BABAM2: variants seen among roughly 807,000 people sequenced by gnomAD.
BABAM2 encodes the protein BRISC and BRCA1 A complex member 2, also known as BRISC and BRCA1-A complex member 2.
A neutral mutation model predicts 54.7 loss-of-function variants in BABAM2; 31 were observed. The observed-to-expected ratio is 0.57, with a 90% CI of 0.43 to 0.77. BABAM2 has a LOEUF of 0.77. Ranked by LOEUF, BABAM2 falls within the 30% of genes least tolerant of loss-of-function variation. The probability of loss-of-function intolerance (pLI) is 0.00; values close to 1 mark genes in which losing one functional copy is unlikely to be tolerated. For missense variants in BABAM2, 364 were observed against 455.8 expected (o/e 0.80, Z 1.83); for synonymous variants, 167 against 162.9 (o/e 1.03, Z -0.19).
At chr2:28,050,535 G>A (rs992265217) in intron 6 of BABAM2, among the ~76,000 whole-genome samples, 6 of 152,092 alleles carry the variant, frequency 3.9e-5, no homozygotes, top group Admixed American at 1.3e-4. Flanking sequence ...TTTTGAGTGC[G>A]GTACTGTGCA....
In BABAM2 at chr2:28,106,775, C is replaced by T. The variant is rs144118728; in HGVS notation, c.571-22496C>T. 8.9e-3 allele frequency among the ~76,000 whole-genome samples: 1,362 copies of T among 152,196 alleles called. 5 individuals are homozygous for T. The highest frequency in any genetic ancestry group is 0.027 in the Middle Eastern group (8 of 294). ...GTATTTTGGGAAGGTCCTTTGAAACCACCCAAATATCCTATTTTTTATCAA... is the reference window on the plus strand; with the variant it reads ...GTATTTTGGGAAGGTCCTTTGAAACTACCCAAATATCCTATTTTTTATCAA... On this transcript the variant is annotated intron_variant, in intron 6 of 11. Coordinates refer to ENST00000379624, the MANE Select transcript of BABAM2 (RefSeq NM_199191.3).
chr2:28,257,906 G>C (rs1684104576), intron 10 of BABAM2, among the ~76,000 whole-genome samples: 1 of 151,832 alleles, frequency 6.6e-6, no homozygotes, highest in Non-Finnish European at 1.5e-5. Context: ...GCCGGGCGTG[G>C]TGGCTCACGC....
At chr2:28,301,253 G>A (rs1247783769) in intron 11 of BABAM2, among the ~76,000 whole-genome samples, 1 of 152,208 alleles carries the variant, frequency 6.6e-6, no homozygotes, top group Non-Finnish European at 1.5e-5. Context: ...ATTCCCTCCT[G>A]TAGAGCAAAA....
chr2:27,973,248 A>G (rs2148455958), intron 3 of BABAM2, among the ~76,000 whole-genome samples: 1 of 152,082 alleles, frequency 6.6e-6, no homozygotes, highest in East Asian at 1.9e-4. Flanking sequence ...AGATTAACCC[A>G]TATGGAGGTC....
chr2:28,279,956 C>T (rs182059334), intron 10 of BABAM2, among the ~76,000 whole-genome samples: 2 of 152,282 alleles, frequency 1.3e-5, no homozygotes, highest in Admixed American at 1.3e-4. Context: ...GCATGAGCCA[C>T]CACGCCCGGC....
At chr2:28,311,596 T>C (rs1478718063) in intron 11 of BABAM2, among the ~76,000 whole-genome samples, 1 of 152,174 alleles carries the variant, frequency 6.6e-6, no homozygotes, top group African/African-American at 2.4e-5. Context: ...GACCTGGGTC[T>C]CATCTAGGGA....
chr2:28,242,301 G>T (rs1040774170), intron 9 of BABAM2, among the ~76,000 whole-genome samples: 19 of 152,214 alleles, frequency 1.2e-4, no homozygotes, highest in Non-Finnish European at 2.4e-4. Flanking sequence ...ACCGATAGGG[G>T]AGAGGGAAGC....
intron 6 of BABAM2, among the ~76,000 whole-genome samples, chr2:28,088,967 T>C (rs1159961208): frequency 1.3e-5 from 2 of 152,146 alleles, no homozygotes; most frequent in African/African-American, 4.8e-5. Context: ...TTCACCATTG[T>C]ATCCTAAGTC....
chr2:28,109,228 G>T (rs148815911), intron 6 of BABAM2, among the ~76,000 whole-genome samples: 1 of 125,698 alleles, frequency 8.0e-6, no homozygotes, highest in Non-Finnish European at 1.6e-5. Flanking sequence ...TCACTCTGTC[G>T]CCCAGGCTGG....
chr2:27,998,526 A>G (rs774301181), intron 4 of BABAM2, among the ~76,000 whole-genome samples: 1 of 151,824 alleles, frequency 6.6e-6, no homozygotes, highest in African/African-American at 2.4e-5. Context: ...GACATTACAG[A>G]TTTATCTTAA....
At chr2:28,105,966 A>C (rs1362212161) in intron 6 of BABAM2, among the ~76,000 whole-genome samples, 1 of 150,888 alleles carries the variant, frequency 6.6e-6, no homozygotes, top group Non-Finnish European at 1.5e-5. Context: ...TCCTCTTTTA[A>C]TTCTTTCCTT....
At chr2:28,298,108 G>A (rs1343797198) in intron 10 of BABAM2, among the ~76,000 whole-genome samples, 1 of 152,054 alleles carries the variant, frequency 6.6e-6, no homozygotes, top group Non-Finnish European at 1.5e-5. Flanking sequence ...TTCTATTGGT[G>A]ACATTTTCAC....
At chr2:28,283,242 A>T (rs1256173252) in intron 10 of BABAM2, among the ~76,000 whole-genome samples, 3 of 152,218 alleles carry the variant, frequency 2.0e-5, no homozygotes, top group African/African-American at 2.4e-5. Context: ...CTGCTGAAGC[A>T]GTTGAGGCAG....
At chr2:27,933,408 A>G (rs530350003) in intron 3 of BABAM2, among the ~76,000 whole-genome samples, 262 of 152,228 alleles carry the variant, frequency 1.7e-3, no homozygotes, top group Admixed American at 5.1e-3. Context: ...GTAATTGATC[A>G]TGGAAACTAT....
chr2:28,170,921 G>A (rs2147849109), intron 7 of BABAM2, among the ~76,000 whole-genome samples: 1 of 152,240 alleles, frequency 6.6e-6, no homozygotes. Flanking sequence ...AAAGAACACG[G>A]TATAAAAGGA....
At chr2:28,028,411 C>T (rs770889023) in intron 5 of BABAM2, among the ~76,000 whole-genome samples, 12 of 152,078 alleles carry the variant, frequency 7.9e-5, no homozygotes, top group Non-Finnish European at 1.0e-4. Flanking sequence ...CGCCCCTCCC[C>T]GCCACCCACA....
intron 2 of BABAM2, among the ~76,000 whole-genome samples, chr2:27,898,243 G>A (rs549203850): frequency 6.6e-6 from 1 of 152,066 alleles, no homozygotes; most frequent in Admixed American, 6.5e-5. Context: ...AGTTCCTTTG[G>A]TTCATCAAGA....
intron 4 of BABAM2, chr2:28,015,874 G>T: frequency 3.2e-6 from 2 of 631,532 alleles, no homozygotes; most frequent in Non-Finnish European, 5.4e-6. Flanking sequence ...CCTCTTTTTT[G>T]CTCGTACCTC....
At chr2:27,998,495 TATC>T (rs1673340328) in intron 4 of BABAM2, among the ~76,000 whole-genome samples, 4 of 152,032 alleles carry the variant, frequency 2.6e-5, no homozygotes, top group Non-Finnish European at 5.9e-5. Context: ...CTTTATATAT[TATC>T]ATAAGCATTT....
Sources: allele counts gnomAD v4.1 joint callset (sites outside exome capture counted in the v4.1 genomes callset), GRCh38; gene constraint gnomAD v4.1.1; transcripts MANE v1.5; gene names NCBI Gene and HGNC (gene_info 2026-07-23, HGNC 2026-07-21).